Variants in TBC1D15 observed in about 807,000 individuals in gnomAD.
TBC1D15 encodes the protein GAP for RAB7.
In TBC1D15, 39 loss-of-function variants were observed where a neutral mutation model predicts 95.4. The ratio of observed to expected loss-of-function variants is 0.41; its 90% CI spans 0.32 to 0.53. The LOEUF is 0.53. Among genes scored for constraint, TBC1D15 ranks in the 20% least tolerant of loss-of-function variants. The pLI, the probability that TBC1D15 is intolerant of heterozygous loss-of-function variation, is 0.29. For synonymous variants in TBC1D15, 258 were observed against 261.3 expected (o/e 0.99, Z 0.12); for missense variants, 733 against 794.3 (o/e 0.92, Z 0.93).
intron 10 of TBC1D15, among the ~76,000 whole-genome samples, chr12:71,899,076 A>T (rs1162352970): frequency 6.6e-6 from 1 of 152,120 alleles, no homozygotes; most frequent in Non-Finnish European, 1.5e-5. Context: ...GCTTGAGCAT[A>T]AAATATTCGA....
chr12:71,856,460 A>G (rs1195586051), intron 1 of TBC1D15, among the ~76,000 whole-genome samples: 2 of 151,476 alleles, frequency 1.3e-5, no homozygotes, highest in East Asian at 3.9e-4. Context: ...AACATGTTGC[A>G]TGTCTCTGGT....
At chr12:71,873,054 A>G (rs1893027622) in intron 3 of TBC1D15, 51 bp downstream of exon 3, 2 of 1,238,038 alleles carry the variant, frequency 1.6e-6, no homozygotes, top group Non-Finnish European at 2.3e-6. Flanking sequence ...AAAAAATAAC[A>G]GTATTATCCA....
chr12:71,918,426 A>C, intron 13 of TBC1D15, 25 bp from the exon 14 acceptor site: 1 of 1,417,780 alleles, frequency 7.1e-7, no homozygotes, highest in Non-Finnish European at 9.8e-7. Flanking sequence ...AGTAAGTCAT[A>C]TGTGTGTTTT....
At chr12:71,881,462 G>A (rs1206902167) in intron 4 of TBC1D15, among the ~76,000 whole-genome samples, 1 of 152,110 alleles carries the variant, frequency 6.6e-6, no homozygotes, top group African/African-American at 2.4e-5. Context: ...CCCAAAATCA[G>A]ACTCTGGAGA....
chr12:71,877,038 T>C (rs1893991955), intron 3 of TBC1D15, among the ~76,000 whole-genome samples: 1 of 152,058 alleles, frequency 6.6e-6, no homozygotes, highest in Admixed American at 6.5e-5. Flanking sequence ...CTCGAATCCC[T>C]GACCTCAAGT....
At chr12:71,916,315 G>T (rs1483993429) in intron 12 of TBC1D15, among the ~76,000 whole-genome samples, 1 of 152,084 alleles carries the variant, frequency 6.6e-6, no homozygotes, top group Non-Finnish European at 1.5e-5. Context: ...ACAGCAGAGT[G>T]GGTAGCAAAT....
At chr12:71,872,801 T>A in intron 2 of TBC1D15, 128 bp from the exon 3 acceptor site, 1 of 601,480 alleles carries the variant, frequency 1.7e-6, no homozygotes, top group South Asian at 2.8e-5. Flanking sequence ...TTGATTTACA[T>A]ATGATGTTAG....
At chr12:71,861,797 C>G (rs1182272932) in intron 1 of TBC1D15, among the ~76,000 whole-genome samples, 2 of 150,142 alleles carry the variant, frequency 1.3e-5, no homozygotes, top group African/African-American at 4.9e-5. Context: ...TGAACTCTTC[C>G]TGTTTTTTTA....
At chr12:71,897,737 C>T in intron 9 of TBC1D15, 110 bp from the exon 10 acceptor site, 2 of 701,530 alleles carry the variant, frequency 2.9e-6, no homozygotes, top group Non-Finnish European at 2.4e-6. Context: ...ACTTACATTC[C>T]ACTAGCATCA....
At chr12:71,900,335 C>T (rs905128950) in intron 10 of TBC1D15, among the ~76,000 whole-genome samples, 1 of 152,076 alleles carries the variant, frequency 6.6e-6, no homozygotes, top group Non-Finnish European at 1.5e-5. Flanking sequence ...TCAGGAATCC[C>T]AGTTTTTAAA....
In TBC1D15 at chr12:71,889,263, A is replaced by C. The variant is rs190451761; in HGVS notation, c.555-3959A>C. ...CTTCTTGGGGAAGGAGATAGTGTCT[A>C]AAGTGACTACTTCAAAAGCTGTTCT... On this transcript the variant is annotated intron_variant, in intron 5 of 16. Coordinates refer to ENST00000485960, the MANE Select transcript of TBC1D15 (RefSeq NM_001146213.3). Among the ~76,000 whole-genome samples the C allele has an allele frequency of 3.1e-3, 466 of 152,346 alleles. 2 individuals are homozygous for C. The highest frequency in any genetic ancestry group is 0.011 in the African/African-American group (450 of 41,570).
chr12:71,885,151 C>A, intron 5 of TBC1D15, 130 bp downstream of exon 5: 1 of 764,132 alleles, frequency 1.3e-6, no homozygotes, highest in Non-Finnish European at 2.1e-6. Context: ...TTAGTTTTTT[C>A]TGGGATATTG....
At chr12:71,859,067 A>T in intron 1 of TBC1D15, among the ~76,000 whole-genome samples, 1 of 146,040 alleles carries the variant, frequency 6.8e-6, no homozygotes. Flanking sequence ...TTTGATTTGT[A>T]TTTTCTTGCT....
intron 1 of TBC1D15, among the ~76,000 whole-genome samples, chr12:71,871,863 C>T (rs1012647709): frequency 6.6e-6 from 1 of 152,206 alleles, no homozygotes; most frequent in African/African-American, 2.4e-5. Context: ...AACTTTCATG[C>T]ATTAACAAAG....
intron 12 of TBC1D15, among the ~76,000 whole-genome samples, chr12:71,915,532 T>G (rs1903498554): frequency 6.6e-6 from 1 of 151,502 alleles, no homozygotes; most frequent in Non-Finnish European, 1.5e-5. Flanking sequence ...TAATCCAATA[T>G]TGGCATGTAA....
intron 5 of TBC1D15, among the ~76,000 whole-genome samples, 199 bp downstream of exon 5, chr12:71,885,220 C>G (rs1459565365): frequency 6.6e-6 from 1 of 152,152 alleles, no homozygotes; most frequent in East Asian, 1.9e-4. Context: ...GAATCTGAGA[C>G]TTACCACCTA....
chr12:71,872,219 C>A, intron 2 of TBC1D15, 51 bp downstream of exon 2: 2 of 1,076,430 alleles, frequency 1.9e-6, no homozygotes, highest in Admixed American at 2.5e-5. Context: ...GGTAGTGATT[C>A]ATCTTTGGAG....
intron 3 of TBC1D15, among the ~76,000 whole-genome samples, chr12:71,874,183 G>A (rs559564906): frequency 2.6e-5 from 4 of 152,244 alleles, no homozygotes; most frequent in South Asian, 2.1e-4. Flanking sequence ...GGCAAACACC[G>A]CAATTACTTT....
intron 1 of TBC1D15, among the ~76,000 whole-genome samples, chr12:71,853,378 C>T (rs1265227536): frequency 2.6e-5 from 4 of 152,158 alleles, no homozygotes; most frequent in African/African-American, 7.2e-5. Context: ...AATTTAACAT[C>T]AAATTTGGGC....
Sources: gnomAD v4.1 joint callset for allele counts (sites outside exome capture counted in the v4.1 genomes callset) on GRCh38, gnomAD v4.1.1 for gene constraint, MANE v1.5 for transcripts, NCBI Gene and HGNC (gene_info 2026-07-23, HGNC 2026-07-21) for gene names.